The following CCDC167 variants were observed in gnomAD, a reference collection of about 807,000 sequenced individuals.
CCDC167 encodes coiled-coil domain-containing protein 167.
In CCDC167, 15 loss-of-function variants were observed where a neutral mutation model predicts 12.7. That is an observed-to-expected ratio of 1.18 (90% CI 0.79 to 1.81). The LOEUF is 1.81. CCDC167 is among the 40% of genes most tolerant of loss of function. The probability of loss-of-function intolerance (pLI) is 0.00; values close to 1 mark genes in which losing one functional copy is unlikely to be tolerated. For missense variants in CCDC167, 121 were observed against 120.1 expected (o/e 1.01, Z -0.03); for synonymous variants, 52 against 49.0 (o/e 1.06, Z -0.26).
Position 37,484,981 on chromosome 6 carries a change from G to A in CCDC167, c.137+119C>T. 3 of 1,447,568 alleles carry A rather than the reference G, an allele frequency of 2.1e-6. No individual in the cohort carries two copies. The East Asian group carries it at 6.8e-5, about 33-fold the overall frequency. 89.7% of individuals were successfully genotyped at this position (1,447,568 alleles called of 1,614,324 possible). On this transcript the variant is annotated intron_variant, in intron 2 of 3. Transcript: ENST00000373408. ...TTCGGCGGCAGGGGGGGTGTGCACT[G>A]AAGCTAAGATGTCAGGGACCCAAAC...
intron 1 of CCDC167, among the ~76,000 whole-genome samples, chr6:37,490,734 G>A (rs1762007801): frequency 6.6e-6 from 1 of 152,162 alleles, no homozygotes; most frequent in African/African-American, 2.4e-5. Context: ...GGGGTGCTGG[G>A]GACAAGGCCC....
chr6:37,499,728 G>C lies in CCDC167; in HGVS notation c.42+94C>G, dbSNP rs1762141333. The stretch of plus-strand genomic sequence containing the variant: ...GCGTCGCCCTCTCATCCTACGCTTG[G>C]CTCCTCCTCCTATCTATAGCCCAGC... On this transcript the variant is annotated intron_variant, in intron 1 of 3. Coordinates refer to ENST00000373408, the MANE Select transcript of CCDC167 (RefSeq NM_138493.3). 7.2e-6 allele frequency: 10 copies of C among 1,380,858 alleles called. No individual in the cohort carries two copies. In the South Asian group the frequency reaches 1.2e-4, roughly 16 times the overall value. 85.5% of individuals were successfully genotyped at this position (1,380,858 alleles called of 1,614,324 possible).
chr6:37,496,075 G>A (rs968454304), intron 1 of CCDC167, among the ~76,000 whole-genome samples: 4 of 152,184 alleles, frequency 2.6e-5, no homozygotes, highest in African/African-American at 9.7e-5. Flanking sequence ...TATGGAGAGG[G>A]TAAAACAATG....
In CCDC167 at chr6:37,483,077, G is replaced by T; in HGVS notation, c.*109C>A. On this transcript the variant is annotated 3_prime_UTR_variant, in exon 4 of 4. Coordinates refer to ENST00000373408, the MANE Select transcript of CCDC167 (RefSeq NM_138493.3). Reference sequence around the variant, plus strand: ...GGAAGCCATGCTTGAACACTAGGTTGGGAGGGGAACACCCCAGCACCTTGG... The same window carrying T: ...GGAAGCCATGCTTGAACACTAGGTTTGGAGGGGAACACCCCAGCACCTTGG... The T allele has an allele frequency of 1.1e-6, 1 of 872,666 alleles. No homozygotes were observed. The highest frequency in any genetic ancestry group is 1.4e-5 in the South Asian group (1 of 73,198). The allele number at this position is 872,666 out of a possible 1,614,324, so 54.1% of individuals were successfully genotyped here.
intron 1 of CCDC167, among the ~76,000 whole-genome samples, chr6:37,497,754 T>G (rs1349994848): frequency 6.6e-6 from 1 of 151,704 alleles, no homozygotes; most frequent in African/African-American, 2.4e-5. Context: ...AGAGGCTGTG[T>G]CGGGGGAAGG....
At chr6:37,492,454 T>C (rs1762034932) in intron 1 of CCDC167, among the ~76,000 whole-genome samples, 1 of 152,204 alleles carries the variant, frequency 6.6e-6, no homozygotes, top group African/African-American at 2.4e-5. Context: ...GAGCCCAGCG[T>C]CTGCCCTTAC....
At chr6:37,485,022 T>C in intron 2 of CCDC167, 78 bp downstream of exon 2, 1 of 1,463,108 alleles carries the variant, frequency 6.8e-7, no homozygotes. Context: ...GCCTCAGGCC[T>C]ACTTTGGGGG....
chr6:37,499,275 G>A (rs1762135970), intron 1 of CCDC167, among the ~76,000 whole-genome samples: 1 of 152,204 alleles, frequency 6.6e-6, no homozygotes. Flanking sequence ...GCCATTCAGT[G>A]ACATCACCAA....
intron 1 of CCDC167, among the ~76,000 whole-genome samples, chr6:37,487,295 C>T (rs1327411912): frequency 1.3e-5 from 2 of 152,194 alleles, no homozygotes; most frequent in South Asian, 2.1e-4. Context: ...CATCTGTCTC[C>T]TCTTTGTGCC....
chr6:37,491,933 A>C (rs995418099), intron 1 of CCDC167, among the ~76,000 whole-genome samples: 1 of 152,128 alleles, frequency 6.6e-6, no homozygotes, highest in Non-Finnish European at 1.5e-5. Flanking sequence ...TGTGCCCTTA[A>C]CCACCATGCC....
At chr6:37,494,805 A>AATTTTTTT (rs760776521) in intron 1 of CCDC167, among the ~76,000 whole-genome samples, 4 of 115,218 alleles carry the variant, frequency 3.5e-5, no homozygotes, top group African/African-American at 1.2e-4. Flanking sequence ...CTACCTACAA[A>AATTTTTTT]TTTTTTTTTT....
intron 1 of CCDC167, among the ~76,000 whole-genome samples, chr6:37,492,509 C>T (rs1316486699): frequency 6.6e-6 from 1 of 152,202 alleles, no homozygotes; most frequent in Admixed American, 6.5e-5. Context: ...AGGCATTTTG[C>T]CCCAGATCAC....
rs560624072 is a variant in CCDC167 at position 37,484,522 on chromosome 6, C to T, written c.190+288G>A. ...CTGGGGCGTGGGGAGAGCAGACTTC[C>T]GATGTCTAGGTGAATGATTGTCTCC... is the stretch of plus-strand genomic sequence containing the variant. On this transcript the variant is annotated intron_variant, in intron 3 of 3. Coordinates refer to ENST00000373408, the MANE Select transcript of CCDC167 (RefSeq NM_138493.3). Among the ~76,000 whole-genome samples the T allele has an allele frequency of 2.6e-5, 4 of 152,212 alleles. No individual in the cohort carries two copies. The South Asian group carries it at 6.2e-4, about 24-fold the overall frequency.
At chr6:37,496,736 C>T (rs1482189297) in intron 1 of CCDC167, among the ~76,000 whole-genome samples, 2 of 152,216 alleles carry the variant, frequency 1.3e-5, no homozygotes, top group African/African-American at 4.8e-5. Flanking sequence ...GGTGAGGTGC[C>T]ATCTGTAGTG....
intron 1 of CCDC167, among the ~76,000 whole-genome samples, chr6:37,493,315 T>A (rs1035051924): frequency 5.9e-5 from 9 of 152,252 alleles, no homozygotes; most frequent in Admixed American, 5.9e-4. Context: ...TTGTTTTGTC[T>A]TCTTTCCCCC....
chr6:37,483,285 C>T lies in CCDC167; in HGVS notation c.195G>A (p.Lys65=), dbSNP rs148157970. 323 of 1,612,608 alleles carry T rather than the reference C, an allele frequency of 2.0e-4. No individual in the cohort carries two copies. The highest frequency in any genetic ancestry group is 2.6e-4 in the Non-Finnish European group (310 of 1,178,740). ...TCTCTTGCCGAAGAAACTTCAGTTC[C>T]TTCTCTGGGAGGAAAGAGGGTGATA... ...SLMNKASNYE[K]ELKFLRQENR... is the part of the protein sequence containing the mutation. The change falls in exon 4 of 4, where the codon AAG becomes AAA. Residue 65 remains lysine (K), a synonymous_variant. Transcript: ENST00000373408.
At chr6:37,485,076 G>T (rs755173588) in intron 2 of CCDC167, 24 bp downstream of exon 2, 23 of 1,591,692 alleles carry the variant, frequency 1.4e-5, no homozygotes, top group South Asian at 1.1e-4. Context: ...GGGGAAGGGT[G>T]GGGTGGCTGG....
intron 1 of CCDC167, among the ~76,000 whole-genome samples, chr6:37,486,512 T>C (rs1440404286): frequency 1.3e-5 from 2 of 152,324 alleles, no homozygotes; most frequent in African/African-American, 2.4e-5. Context: ...GCCACTTCCA[T>C]GTCAGCCACT....
chr6:37,483,302 A>G lies in CCDC167; in HGVS notation c.191-13T>C, dbSNP rs1364180048. On this transcript the variant is annotated splice_polypyrimidine_tract_variant and intron_variant, in intron 3 of 3. Transcript: ENST00000373408. ...TTCAGTTCCTTCTCTGGGAGGAAAG[A>G]GGGTGATAGGGATAGGACAGGCAGT... is the stretch of plus-strand genomic sequence containing the variant. 13 of 1,585,206 alleles carry G rather than the reference A, an allele frequency of 8.2e-6. No homozygotes were observed. In the Admixed American group the frequency reaches 2.2e-4, roughly 26 times the overall value.
Sources: allele counts gnomAD v4.1 joint callset (sites outside exome capture counted in the v4.1 genomes callset), GRCh38; gene constraint gnomAD v4.1.1; transcripts MANE v1.5; gene names NCBI Gene and HGNC (gene_info 2026-07-23, HGNC 2026-07-21).